Variants in CETN3 observed in about 807,000 individuals in gnomAD.
The protein encoded by CETN3 is centrin 3, also known as centrin-3.
A neutral mutation model predicts 20.1 loss-of-function variants in CETN3; 17 were observed. The ratio of observed to expected loss-of-function variants is 0.85; its 90% CI spans 0.58 to 1.27. The LOEUF (loss-of-function observed/expected upper bound fraction) is 1.27. Among genes scored for constraint, CETN3 ranks in the 50% most tolerant of loss-of-function variants. The pLI, the probability that CETN3 is intolerant of heterozygous loss-of-function variation, is 0.00. For missense variants in CETN3, 169 were observed against 191.2 expected (o/e 0.88, Z 0.69); for synonymous variants, 52 against 59.7 (o/e 0.87, Z 0.59).
chr5:90,407,699 C>T lies in CETN3; in HGVS notation c.153G>A (p.Lys51=), dbSNP rs757102730. 2.7e-6 allele frequency: 4 copies of T among 1,507,566 alleles called. No homozygotes were observed. Among genetic ancestry groups the T allele is most frequent in the Non-Finnish European group, 3.6e-6 (4 of 1,113,698 alleles). The allele number at this position is 1,507,566 out of a possible 1,614,324, so 93.4% of individuals were successfully genotyped here. The change falls in exon 2 of 5, where the codon AAG becomes AAA. Residue 51 remains lysine, a splice_region_variant and synonymous_variant. Transcript: ENST00000283122. ...CAAATATTTTAAAGTATACCATTACCTTTAATTCATGATAATCTATTGCTT... is the reference window on the plus strand; with the variant it reads ...CAAATATTTTAAAGTATACCATTACTTTTAATTCATGATAATCTATTGCTT... ...KDEAIDYHEL[K]VAMRALGFDV... is the part of the protein sequence containing the mutation.
chr5:90,406,893 G>A (rs1417125822), intron 2 of CETN3, among the ~76,000 whole-genome samples: 1 of 148,898 alleles, frequency 6.7e-6, no homozygotes, highest in Non-Finnish European at 1.5e-5. Flanking sequence ...AAAGAGGACT[G>A]CAAGATTGAG....
intron 4 of CETN3, chr5:90,396,481 G>A (rs1749138833): frequency 6.5e-7 from 1 of 1,528,970 alleles, no homozygotes; most frequent in African/African-American, 1.4e-5. Flanking sequence ...AATCAGTTTA[G>A]CCAGTGTGCA....
intron 4 of CETN3, among the ~76,000 whole-genome samples, chr5:90,398,130 T>A (rs538970287): frequency 2.1e-4 from 32 of 152,256 alleles, no homozygotes; most frequent in Non-Finnish European, 4.6e-4. Context: ...TACATCTTAT[T>A]TACCTTTAAC....
At chr5:90,398,964 A>G (rs1749209013) in intron 4 of CETN3, 1 of 310,860 alleles carries the variant, frequency 3.2e-6, no homozygotes, top group East Asian at 7.0e-5. Context: ...TGAGGCCATT[A>G]TAACATTCCT....
intron 3 of CETN3, chr5:90,405,431 T>C (rs1473232168): frequency 9.1e-6 from 4 of 439,450 alleles, no homozygotes; most frequent in African/African-American, 4.1e-5. Flanking sequence ...AGCATCTTTC[T>C]ATAAAAAGCT....
At chr5:90,408,478 G>A (rs554790089) in intron 1 of CETN3, among the ~76,000 whole-genome samples, 2 of 152,254 alleles carry the variant, frequency 1.3e-5, no homozygotes, top group East Asian at 3.9e-4. Flanking sequence ...ACAAATATTA[G>A]ATGCCAATAT....
At chr5:90,398,680 G>C (rs1749200963) in intron 4 of CETN3, among the ~76,000 whole-genome samples, 1 of 152,222 alleles carries the variant, frequency 6.6e-6, no homozygotes, top group Admixed American at 6.5e-5. Context: ...AGGTGGGATA[G>C]ATCATAGAAG....
chr5:90,408,603 AATT>A (rs1749530238), intron 1 of CETN3, among the ~76,000 whole-genome samples: 1 of 152,172 alleles, frequency 6.6e-6, no homozygotes, highest in Non-Finnish European at 1.5e-5. Flanking sequence ...AAAAAGCAAA[AATT>A]ATTTTAAAGC....
intron 3 of CETN3, among the ~76,000 whole-genome samples, chr5:90,401,678 T>C (rs1253757381): frequency 6.6e-6 from 1 of 152,168 alleles, no homozygotes; most frequent in African/African-American, 2.4e-5. Context: ...TTAGACATGT[T>C]GGACTCCAAA....
intron 1 of CETN3, among the ~76,000 whole-genome samples, chr5:90,409,314 G>A (rs910696173): frequency 6.6e-6 from 1 of 152,162 alleles, no homozygotes; most frequent in Non-Finnish European, 1.5e-5. Context: ...TGAATGAAGG[G>A]ATGTCCGCGA....
rs577266565 is a variant in CETN3, at chr5:90,396,584, A to G, written c.461-2477T>C. Reference sequence around the variant, plus strand: ...TAAGAACTGTATTAAGAGAAAAAACATAAAACAGCCTTAGAATGATTTGAT... The same window carrying G: ...TAAGAACTGTATTAAGAGAAAAAACGTAAAACAGCCTTAGAATGATTTGAT... On this transcript the variant is annotated intron_variant, in intron 4 of 4. Transcript: ENST00000283122. 39 of 1,499,258 alleles carry G rather than the reference A, an allele frequency of 2.6e-5. 2 individuals are homozygous for G. Among genetic ancestry groups the G allele is most frequent in the Middle Eastern group, 3.4e-4 (2 of 5,886 alleles). 92.9% of individuals were successfully genotyped at this position (1,499,258 alleles called of 1,614,324 possible).
At chr5:90,402,046 C>T (rs533278327) in intron 3 of CETN3, among the ~76,000 whole-genome samples, 1 of 152,154 alleles carries the variant, frequency 6.6e-6, no homozygotes, top group Non-Finnish European at 1.5e-5. Flanking sequence ...GAGACAGGAT[C>T]TCACTTTGTT....
At chr5:90,396,395 C>A (rs2151881777) in intron 4 of CETN3, 1 of 1,427,472 alleles carries the variant, frequency 7.0e-7, no homozygotes, top group South Asian at 1.6e-5. Context: ...AGTTAAATAG[C>A]CATGTCTGAA....
chr5:90,396,612 C>A, intron 4 of CETN3: 1 of 1,373,158 alleles, frequency 7.3e-7, no homozygotes, highest in Non-Finnish European at 9.9e-7. Context: ...GATTTGATTA[C>A]AAATCATTTT....
intron 4 of CETN3, among the ~76,000 whole-genome samples, chr5:90,397,372 C>T (rs911681190): frequency 6.6e-6 from 1 of 152,090 alleles, no homozygotes; most frequent in Non-Finnish European, 1.5e-5. Flanking sequence ...TTAAAATAAG[C>T]TTTGGTAAAA....
intron 4 of CETN3, chr5:90,395,974 C>T (rs900378942): frequency 6.7e-6 from 6 of 894,980 alleles, no homozygotes; most frequent in Non-Finnish European, 8.0e-6. Context: ...TGTTTTATAA[C>T]ACAAAATACT....
rs764868154 is a variant in CETN3, at chr5:90,394,076, A to G, written c.492T>C (p.Thr164=). The change falls in exon 5 of 5, where the codon ACT becomes ACC. Residue 164 remains threonine (T), a synonymous_variant. Coordinates refer to ENST00000283122, the MANE Select transcript of CETN3 (RefSeq NM_004365.4). The stretch of plus-strand genomic sequence containing the variant: ...TCCTTGTAATTCTTTAAATGTCACC[A>G]GTCATAATAGCAATGAACTCCTCTT... ...INQEEFIAIM[T]GDI The G allele has an allele frequency of 7.8e-6, 12 of 1,546,408 alleles. No individual in the cohort carries two copies. The Admixed American group carries it at 2.1e-4, about 27-fold the overall frequency.
chr5:90,408,182 AC>A (rs1320043500), intron 1 of CETN3, among the ~76,000 whole-genome samples: 2 of 152,224 alleles, frequency 1.3e-5, no homozygotes, highest in African/African-American at 2.4e-5. Flanking sequence ...AACCAAAAAA[AC>A]AAAAACACGT....
rs1749064346 is a variant in CETN3 at position 90,393,459 on chromosome 5, C to A, written c.*605G>T. The stretch of plus-strand genomic sequence containing the variant: ...ACACAAGGATAAATGGGTCTATCTG[C>A]ACAATACTTATTCCTTCTAAACTCA... On this transcript the variant is annotated 3_prime_UTR_variant, in exon 5 of 5. Transcript: ENST00000283122. 6.6e-6 allele frequency: 1 copy of A among 152,090 alleles called. No homozygotes were observed. Among genetic ancestry groups the A allele is most frequent in the Admixed American group, 6.5e-5 (1 of 15,270 alleles). 9.4% of individuals were successfully genotyped at this position (152,090 alleles called of 1,614,324 possible). A position where few individuals can be genotyped will look rare whatever the true frequency, so the allele number is the denominator to read the frequency against.
Sources: allele counts gnomAD v4.1 joint callset (sites outside exome capture counted in the v4.1 genomes callset), GRCh38; gene constraint gnomAD v4.1.1; transcripts MANE v1.5; gene names NCBI Gene and HGNC (gene_info 2026-07-23, HGNC 2026-07-21).